RTEL1: variants seen among roughly 807,000 people sequenced by gnomAD.
RTEL1 encodes the protein regulator of telomere elongation helicase 1, also known as regulator of telomere length.
RTEL1 carries 86 observed loss-of-function variants against 162.2 expected under a neutral mutation model. That is an observed-to-expected ratio of 0.53 (90% CI 0.45 to 0.63). The LOEUF (loss-of-function observed/expected upper bound fraction) is 0.63. RTEL1 is among the 30% of genes least tolerant of loss of function. The pLI is 0.00. For synonymous variants in RTEL1, 958 were observed against 717.9 expected, an observed-to-expected ratio of 1.33 and a Z score of -5.35; for missense variants, 1,941 against 1,750.2, an observed-to-expected ratio of 1.11 and a Z score of -1.95.
chr20:63,669,229 G>T lies in RTEL1; in HGVS notation c.699+1676G>T, dbSNP rs1016757707. 3.9e-5 allele frequency among the ~76,000 whole-genome samples: 6 copies of T among 152,178 alleles called. No homozygotes were observed. The East Asian group carries it at 1.2e-3, about 29-fold the overall frequency. ...TGATTTCTGGTTTTCTGAAAAAATGGTGCTAAGAACAGCTGGATATCTGTT... is the reference window on the plus strand; with the variant it reads ...TGATTTCTGGTTTTCTGAAAAAATGTTGCTAAGAACAGCTGGATATCTGTT... On this transcript the variant is annotated intron_variant, in intron 8 of 34. Transcript: ENST00000360203.
Position 63,692,843 on chromosome 20 carries a change from G to C in RTEL1, c.2691G>C (p.Lys897Asn). ...PVAGAQTDRA[K>N]LFMVAVKQEL... ...CTGGTGCACAGACGGACAGGGCCAAGCTCTTCATGGTGGCCGTGAAGCAGG... is the reference window on the plus strand; with the variant it reads ...CTGGTGCACAGACGGACAGGGCCAACCTCTTCATGGTGGCCGTGAAGCAGG... Residue 897 changes from lysine to asparagine, a missense_variant, in exon 29 of 35, where the codon AAG becomes AAC. Lys to Asn is a moderately conservative substitution (Grantham distance 94). Coordinates refer to ENST00000360203, the MANE Select transcript of RTEL1 (RefSeq NM_001283009.2). 6.2e-7 allele frequency: 1 copy of C among 1,612,610 alleles called. No individual in the cohort carries two copies. The highest frequency in any genetic ancestry group is 8.5e-7 in the Non-Finnish European group (1 of 1,179,832).
At position 63,688,599 on chromosome 20, in the gene RTEL1, C is replaced by T. The variant is rs1177652366; in HGVS notation, c.1794C>T (p.Phe598=). 6.2e-7 allele frequency: 1 copy of T among 1,607,412 alleles called. No homozygotes were observed. The highest frequency in any genetic ancestry group is 1.7e-5 in the Admixed American group (1 of 59,404). Residue 598 remains phenylalanine (F), a synonymous_variant, in exon 21 of 35, where the codon TTC becomes TTT. Coordinates refer to ENST00000360203, the MANE Select transcript of RTEL1 (RefSeq NM_001283009.2). ...LFVEPRSKGS[F]SETISAYYAR... ...TGGAGCCCAGGAGCAAAGGCAGCTT[C>T]TCCGAGGTCGGCACTTGGCCGGGGC...
chr20:63,691,817 A>G lies in RTEL1; in HGVS notation c.2632A>G (p.Ile878Val). Reference protein sequence around the residue: ...AEEPRGGRKKIRLVSHPEEPV... With the variant: ...AEEPRGGRKKVRLVSHPEEPV... ...AGAACCGCGAGGAGGGAGGAAGAAG[A>G]TCCGGCTGGTCAGCCACCCGGTGCG... Residue 878 changes from isoleucine (I) to valine (V), a missense_variant, in exon 28 of 35, where the codon ATC becomes GTC. By Grantham distance (29) the Ile-to-Val change is conservative. Transcript: ENST00000360203. The G allele has an allele frequency of 6.2e-7, 1 of 1,611,592 alleles. No homozygotes were observed. The highest frequency in any genetic ancestry group is 8.5e-7 in the Non-Finnish European group (1 of 1,179,710).
intron 14 of RTEL1, chr20:63,681,381 C>G (rs979892751): frequency 1.0e-6 from 1 of 985,294 alleles, no homozygotes; most frequent in African/African-American, 1.7e-5. Context: ...GAAGCAGACT[C>G]AGAAGTCCCT....
chr20:63,688,383 G>A lies in RTEL1; in HGVS notation c.1719G>A (p.Trp573Ter). 1 of 1,612,640 alleles carries A rather than the reference G, an allele frequency of 6.2e-7. No individual in the cohort carries two copies. The highest frequency in any genetic ancestry group is 8.5e-7 in the Non-Finnish European group (1 of 1,179,954). ...YPVMEKSLEF[W>*]RARDLARKME... Reference sequence around the variant, plus strand: ...TCATGGAGAAGAGCCTGGAGTTCTGGCGGGTGCGTCTCCCCTGTGTTCTGG... The same window carrying A: ...TCATGGAGAAGAGCCTGGAGTTCTGACGGGTGCGTCTCCCCTGTGTTCTGG... Residue 573 changes from tryptophan (W) to a stop codon, truncating the protein, a stop_gained, in exon 20 of 35, where the codon TGG becomes TGA. Coordinates refer to ENST00000360203, the MANE Select transcript of RTEL1 (RefSeq NM_001283009.2). LOFTEE classifies it high-confidence loss of function.
rs545989048 is a variant in RTEL1, at chr20:63,677,096, CCT to C, written c.920-1046_920-1045del. Among the ~76,000 whole-genome samples the C allele has an allele frequency of 2.1e-3, 229 of 107,846 alleles. 1 individual carries two copies. Among genetic ancestry groups the C allele is most frequent in the African/African-American group, 8.6e-3 (221 of 25,730 alleles). 70.8% of individuals were successfully genotyped at this position (107,846 alleles called of 152,430 possible). On this transcript the variant is annotated intron_variant, in intron 10 of 34. Coordinates refer to ENST00000360203, the MANE Select transcript of RTEL1 (RefSeq NM_001283009.2). ...TGTGTCCTGACCCCGGCGGTTGTGG[CCT>C]CTTTGCTGTCTGGGAGTCAGGATTT...
intron 12 of RTEL1, 75 bp from the exon 13 acceptor site, chr20:63,679,774 C>G: frequency 1.7e-6 from 2 of 1,167,220 alleles, no homozygotes; most frequent in South Asian, 1.2e-5. Flanking sequence ...CCGAGCCTGC[C>G]TTCTTCTCCT....
chr20:63,691,660 C>G (rs990555822), intron 27 of RTEL1, 82 bp from the exon 28 acceptor site: 2 of 1,274,204 alleles, frequency 1.6e-6, no homozygotes, highest in Admixed American at 1.8e-5. Context: ...TTGGGACCAT[C>G]TTCCCTGTGC....
intron 30 of RTEL1, among the ~76,000 whole-genome samples, chr20:63,693,940 C>G (rs187938166): frequency 6.6e-6 from 1 of 151,238 alleles, no homozygotes; most frequent in Non-Finnish European, 1.5e-5. Flanking sequence ...TCCTAGACCC[C>G]TGTCCTCCCT....
chr20:63,663,614 C>T (rs1601090038), intron 6 of RTEL1, among the ~76,000 whole-genome samples: 1 of 152,186 alleles, frequency 6.6e-6, no homozygotes, highest in African/African-American at 2.4e-5. Flanking sequence ...CAGGGTGCAC[C>T]CCCGTTGGCT....
chr20:63,678,614 A>ACACACACTCCCACGAACAG (rs1569095519), intron 12 of RTEL1, among the ~76,000 whole-genome samples: 5 of 132,966 alleles, frequency 3.8e-5, no homozygotes, highest in African/African-American at 1.5e-4. Flanking sequence ...CACGAACAGC[A>ACACACACTCCCACGAACAG]CACACACTCC....
Position 63,694,963 on chromosome 20 carries a change from C to G in RTEL1, c.3332C>G (p.Pro1111Arg). The G allele has an allele frequency of 6.2e-7, 1 of 1,612,424 alleles. No individual in the cohort carries two copies. The stretch of plus-strand genomic sequence containing the variant: ...ACCACTGCAAAGCCAGAGGACTTCC[C>G]CCTGCTGCACAGCAAGTGGCCCTGG... ...ALTTAKPEDFPLLHRFSMFVR... is the reference protein window; with the variant it reads ...ALTTAKPEDFRLLHRFSMFVR... Residue 1111 changes from proline (P) to arginine (R), a missense_variant, in exon 32 of 35, where the codon CCC (proline) becomes CGC (arginine). Transcript: ENST00000360203.
At chr20:63,672,437 C>G (rs1209317744) in intron 8 of RTEL1, 119 bp from the exon 9 acceptor site, 1 of 813,454 alleles carries the variant, frequency 1.2e-6, no homozygotes, top group Non-Finnish European at 2.1e-6. Flanking sequence ...CTCTCGACAT[C>G]GCCGGCGCTG....
At position 63,695,316 on chromosome 20, in the gene RTEL1, C is replaced by T. The variant is rs747484884; in HGVS notation, c.3500-12C>T. ...CCCCAGGCCCCCCTCAGACTCAAGT[C>T]TCTGTCTCCAGGCCCCTCACGGTCC... On this transcript the variant is annotated splice_polypyrimidine_tract_variant and intron_variant, in intron 33 of 34. Coordinates refer to ENST00000360203, the MANE Select transcript of RTEL1 (RefSeq NM_001283009.2). 12 of 1,572,978 alleles carry T rather than the reference C, an allele frequency of 7.6e-6. No homozygotes were observed. The highest frequency in any genetic ancestry group is 9.5e-6 in the Non-Finnish European group (11 of 1,158,962).
chr20:63,662,739 A>T, intron 5 of RTEL1, 90 bp from the exon 6 acceptor site: 1 of 1,592,646 alleles, frequency 6.3e-7, no homozygotes, highest in Non-Finnish European at 8.6e-7. Flanking sequence ...TCACTGGGGG[A>T]CTGCAGGGGA....
At chr20:63,672,509 C>T (rs747801490) in intron 8 of RTEL1, 47 bp from the exon 9 acceptor site, 43 of 1,469,066 alleles carry the variant, frequency 2.9e-5, no homozygotes, top group East Asian at 9.7e-5. Flanking sequence ...CCCTCTTTCC[C>T]GGCCTCTGTG....
At position 63,695,114 on chromosome 20, in the gene RTEL1, C is replaced by T. The variant is rs372852392; in HGVS notation, c.3392C>T (p.Thr1131Met). The change falls in exon 33 of 35, where the codon ACG becomes ATG. Residue 1131 changes from threonine (T) to methionine (M), a missense_variant. Coordinates refer to ENST00000360203, the MANE Select transcript of RTEL1 (RefSeq NM_001283009.2). The part of the protein sequence containing the change: ...RPHHKQRFSQ[T>M]CTDLTGRPYP... ...CACCACAAGCAGCGCTTCTCACAGA[C>T]GTGCACAGACCTGACCGGCCGGCCC... 56 of 1,612,284 alleles carry T rather than the reference C, an allele frequency of 3.5e-5. No individual in the cohort carries two copies. The highest frequency in any genetic ancestry group is 1.6e-4 in the Middle Eastern group (1 of 6,082).
At chr20:63,694,321 A>T in intron 30 of RTEL1, 51 bp from the exon 31 acceptor site, 3 of 544,782 alleles carry the variant, frequency 5.5e-6, no homozygotes, top group Non-Finnish European at 7.3e-6. Context: ...CACCCCAGGG[A>T]ACTTTCCAGA....
chr20:63,674,376 C>T (rs923367179), intron 10 of RTEL1, among the ~76,000 whole-genome samples: 6 of 152,198 alleles, frequency 3.9e-5, no homozygotes, highest in African/African-American at 1.2e-4. Context: ...TGGTATTGTT[C>T]AGTAGTTCTG....
Sources: gnomAD v4.1 joint callset for allele counts (sites outside exome capture counted in the v4.1 genomes callset) on GRCh38, gnomAD v4.1.1 for gene constraint, MANE v1.5 for transcripts, NCBI Gene and HGNC (gene_info 2026-07-23, HGNC 2026-07-21) for gene names.